The following NFASC variants were observed in gnomAD, a reference collection of about 807,000 sequenced individuals.
NFASC encodes the protein neurofascin homolog.
Under a neutral mutation model 147.5 loss-of-function variants are expected in NFASC, and 43 were observed. That is an observed-to-expected ratio of 0.29 (90% CI 0.23 to 0.38). The LOEUF (loss-of-function observed/expected upper bound fraction) is 0.38, where lower values mean the gene tolerates loss of function less well. NFASC is among the 10% of genes least tolerant of loss of function. The probability of loss-of-function intolerance (pLI) is 1.00; values close to 1 mark genes in which losing one functional copy is unlikely to be tolerated. For synonymous variants in NFASC, 622 were observed against 665.5 expected, an observed-to-expected ratio of 0.93 and a Z score of 1.01; for missense variants, 1,320 against 1,689.0, an observed-to-expected ratio of 0.78 and a Z score of 3.83.
At chr1:204,839,443 C>A (rs978629791) in intron 1 of NFASC, among the ~76,000 whole-genome samples, 5 of 151,372 alleles carry the variant, frequency 3.3e-5, no homozygotes, top group African/African-American at 1.2e-4. Context: ...AAGACAAAGG[C>A]GGTAGCGGGG....
chr1:204,999,303 C>T (rs2095919628), intron 25 of NFASC: 1 of 152,162 alleles, frequency 6.6e-6, no homozygotes, highest in Non-Finnish European at 1.5e-5. Context: ...ATGCCTTCCT[C>T]CAGCTCCCAC....
intron 1 of NFASC, among the ~76,000 whole-genome samples, chr1:204,907,598 C>A (rs2086275559): frequency 6.6e-6 from 1 of 152,208 alleles, no homozygotes; most frequent in African/African-American, 2.4e-5. Flanking sequence ...TGCTTACTGT[C>A]CCGTTTGGAC....
At chr1:205,007,044 G>C (rs181123314) in intron 27 of NFASC, among the ~76,000 whole-genome samples, 95 of 152,154 alleles carry the variant, frequency 6.2e-4, no homozygotes, top group Non-Finnish European at 1.0e-3. Flanking sequence ...CAGCTTGCTG[G>C]GGGTACAGAA....
chr1:204,921,960 C>T (rs2090572005), intron 2 of NFASC, among the ~76,000 whole-genome samples: 1 of 152,084 alleles, frequency 6.6e-6, no homozygotes, highest in African/African-American at 2.4e-5. Flanking sequence ...GCTTTTTCAC[C>T]CTGTCATTGT....
chr1:204,974,216 C>T lies in NFASC; in HGVS notation c.1317C>T (p.Leu439=). 6.2e-7 allele frequency: 1 copy of T among 1,614,104 alleles called. No homozygotes were observed. Among genetic ancestry groups the T allele is most frequent in the Non-Finnish European group, 8.5e-7 (1 of 1,180,010 alleles). Reference sequence around the variant, plus strand: ...GGATGCTGTCGCCCCGGAACCAGCTCATTCGAGTGATTCTTTACAACCGGA... The same window carrying T: ...GGATGCTGTCGCCCCGGAACCAGCTTATTCGAGTGATTCTTTACAACCGGA... ...PPRMLSPRNQ[L]IRVILYNRTR... The change falls in exon 13 of 30, where the codon CTC becomes CTT. Residue 439 remains leucine (L), a synonymous_variant. Coordinates refer to ENST00000339876, the MANE Select transcript of NFASC (RefSeq NM_001005388.3).
chr1:204,876,303 C>T (rs529060847), intron 1 of NFASC, among the ~76,000 whole-genome samples: 2 of 152,192 alleles, frequency 1.3e-5, no homozygotes, highest in African/African-American at 4.8e-5. Context: ...TACAGTCCAC[C>T]GCCACCCCAC....
intron 1 of NFASC, among the ~76,000 whole-genome samples, chr1:204,858,714 C>T (rs1024026212): frequency 6.6e-6 from 1 of 152,148 alleles, no homozygotes; most frequent in Non-Finnish European, 1.5e-5. Context: ...CCTTGACTGT[C>T]TCAGGAGGCT....
At chr1:204,839,698 G>T (rs1674750091) in intron 1 of NFASC, among the ~76,000 whole-genome samples, 1 of 152,240 alleles carries the variant, frequency 6.6e-6, no homozygotes, top group Non-Finnish European at 1.5e-5. Context: ...GCACTTAGAA[G>T]AGGGTAGGGA....
rs1421108188 is a variant in NFASC at position 204,989,227 on chromosome 1, C to T, written c.2767+421C>T. The stretch of plus-strand genomic sequence containing the variant: ...GGCTCTGGGGACAACCTTCTTTCTT[C>T]GAAGGCACATGGGTTCAAGGAGGTA... On this transcript the variant is annotated intron_variant, in intron 23 of 29. Transcript: ENST00000339876. The T allele has an allele frequency of 1.9e-5, 4 of 212,684 alleles. No individual in the cohort carries two copies. In the East Asian group the frequency reaches 3.8e-4, roughly 20 times the overall value. The allele number at this position is 212,684 out of a possible 1,614,324, so 13.2% of individuals were successfully genotyped here.
intron 1 of NFASC, among the ~76,000 whole-genome samples, chr1:204,906,745 C>G (rs1324907506): frequency 1.2e-4 from 16 of 136,248 alleles, no homozygotes; most frequent in Non-Finnish European, 2.4e-4. Flanking sequence ...TGCAGTGGCG[C>G]GATCTCGGCT....
chr1:204,913,392 T>A (rs186677395), intron 1 of NFASC, among the ~76,000 whole-genome samples: 4 of 152,062 alleles, frequency 2.6e-5, no homozygotes, highest in East Asian at 1.9e-4. Flanking sequence ...GCAGAAAAAA[T>A]TTTTTAAAGA....
intron 1 of NFASC, among the ~76,000 whole-genome samples, chr1:204,847,321 C>T (rs2075266564): frequency 6.6e-6 from 1 of 152,192 alleles, no homozygotes; most frequent in Non-Finnish European, 1.5e-5. Flanking sequence ...ACTCCACATT[C>T]TACTTACGAC....
intron 1 of NFASC, among the ~76,000 whole-genome samples, chr1:204,904,130 C>T (rs1170526822): frequency 6.6e-6 from 1 of 152,124 alleles, no homozygotes; most frequent in African/African-American, 2.4e-5. Context: ...GACAGGGTCT[C>T]CCTCTGTTTC....
chr1:204,912,868 T>A (rs924680377), intron 1 of NFASC, among the ~76,000 whole-genome samples: 3 of 146,392 alleles, frequency 2.0e-5, no homozygotes, highest in South Asian at 2.1e-4. Context: ...AAAAAAAAAA[T>A]AATTTAAAAA....
At position 205,012,619 on chromosome 1, in the gene NFASC, T is replaced by C. The variant is rs12086734; in HGVS notation, c.3422-178T>C. 2.2e-3 allele frequency: 1,395 copies of C among 626,248 alleles called. 20 individuals carry two copies. The African/African-American group carries it at 0.023, about 10-fold the overall frequency. 38.8% of individuals were successfully genotyped at this position (626,248 alleles called of 1,614,324 possible). The stretch of plus-strand genomic sequence containing the variant: ...TGAGAAGGAGGAGGCAGAGTCAACT[T>C]GGCAACTGATTGAGTACAGGAAGCA... On this transcript the variant is annotated intron_variant, in intron 28 of 29. Coordinates refer to ENST00000339876, the MANE Select transcript of NFASC (RefSeq NM_001005388.3).
chr1:204,986,508 C>A lies in NFASC; in HGVS notation c.2471-910C>A, dbSNP rs542796679. On this transcript the variant is annotated intron_variant, in intron 21 of 29. Transcript: ENST00000339876. The surrounding 1 kb of genome is among the most constrained non-coding windows in gnomAD (Gnocchi z 4.2). ...CCCAACACCTTCACGGTTCTCCCCC[C>A]ACGTTCTCAAGAAGCCGTCACTGAA... 2.6e-5 allele frequency among the ~76,000 whole-genome samples: 4 copies of A among 152,370 alleles called. No individual in the cohort carries two copies. The highest frequency in any genetic ancestry group is 2.1e-4 in the South Asian group (1 of 4,830).
chr1:204,912,043 A>T (rs2087655957), intron 1 of NFASC, among the ~76,000 whole-genome samples: 2 of 152,038 alleles, frequency 1.3e-5, no homozygotes, highest in Non-Finnish European at 2.9e-5. Context: ...ATTTTTGCTA[A>T]AGGACTGTCA....
chr1:204,937,917 C>A (rs2093011738), intron 2 of NFASC, among the ~76,000 whole-genome samples: 1 of 152,244 alleles, frequency 6.6e-6, no homozygotes, highest in South Asian at 2.1e-4. Context: ...TCCCTGCCAT[C>A]CAGTCGGCTA....
At chr1:204,869,410 T>A (rs910286219) in intron 1 of NFASC, among the ~76,000 whole-genome samples, 9 of 152,232 alleles carry the variant, frequency 5.9e-5, no homozygotes, top group Non-Finnish European at 1.0e-4. Flanking sequence ...ATCCATAATT[T>A]CACTGCTCAA....
Sources: allele counts gnomAD v4.1 joint callset (sites outside exome capture counted in the v4.1 genomes callset), GRCh38; gene constraint gnomAD v4.1.1; non-coding constraint Gnocchi (gnomAD v3.1); transcripts MANE v1.5; gene names NCBI Gene and HGNC (gene_info 2026-07-23, HGNC 2026-07-21).